The following ZNG1A variants were observed in gnomAD, a reference collection of about 807,000 sequenced individuals.
ZNG1A encodes zinc-regulated GTPase metalloprotein activator 1A.
chr9:122,245 A>G, the ZNG1A span: 1 of 1,433,802 alleles, frequency 7.0e-7, no homozygotes, highest in South Asian at 1.5e-5. Flanking sequence ...TTATTTGTGA[A>G]TTACAAGAAG....
At chr9:177,166 G>C in the ZNG1A span, among the ~76,000 whole-genome samples, 1 of 152,136 alleles carries the variant, frequency 6.6e-6, no homozygotes, top group Non-Finnish European at 1.5e-5. Context: ...TTCATTGTGC[G>C]GGGCCAATTT....
the ZNG1A span, chr9:147,659 T>A: frequency 6.7e-6 from 1 of 149,164 alleles, no homozygotes; most frequent in Non-Finnish European, 1.5e-5. Flanking sequence ...TTTCTGAGTA[T>A]CAGTTTACAC....
At chr9:157,777 TC>T in the ZNG1A span, among the ~76,000 whole-genome samples, 2 of 146,414 alleles carry the variant, frequency 1.4e-5, no homozygotes, top group Non-Finnish European at 3.0e-5. Flanking sequence ...TAATCATATA[TC>T]AGAGCCAAAC....
At chr9:122,964 C>CA in the ZNG1A span, 8 of 1,256,544 alleles carry the variant, frequency 6.4e-6, no homozygotes, top group Non-Finnish European at 8.3e-6. Context: ...TACTTGGGAA[C>CA]AGAGAGCAGA....
chr9:131,641 C>T, the ZNG1A span, among the ~76,000 whole-genome samples: 2 of 147,090 alleles, frequency 1.4e-5, no homozygotes, highest in East Asian at 2.0e-4. Flanking sequence ...AATCTAGGCT[C>T]GTTTCCCATC....
the ZNG1A span, chr9:123,234 C>T: frequency 6.6e-7 from 1 of 1,514,132 alleles, no homozygotes; most frequent in Non-Finnish European, 8.9e-7. Context: ...CTTATGACCT[C>T]CATGCAGTGA....
chr9:171,725 G>A, the ZNG1A span: 56 of 282,610 alleles, frequency 2.0e-4, no homozygotes, highest in Middle Eastern at 1.2e-3. Flanking sequence ...TATCCTCAGA[G>A]ATTCCGGAAC....
the ZNG1A span, chr9:177,773 T>C: frequency 6.5e-7 from 1 of 1,538,456 alleles, no homozygotes; most frequent in Non-Finnish European, 8.8e-7. Context: ...ATACATTGTT[T>C]TGGACAAGAA....
At chr9:171,147 T>A in the ZNG1A span, among the ~76,000 whole-genome samples, 1 of 152,056 alleles carries the variant, frequency 6.6e-6, no homozygotes, top group African/African-American at 2.4e-5. Context: ...AATAGCCTAA[T>A]TCAATACTAC....
At chr9:172,350 C>G in the ZNG1A span, 1 of 651,066 alleles carries the variant, frequency 1.5e-6, no homozygotes, top group Non-Finnish European at 2.6e-6. Context: ...AGTGAGAAAA[C>G]AATAGATGCA....
chr9:140,378 G>C, the ZNG1A span, among the ~76,000 whole-genome samples: 25 of 150,726 alleles, frequency 1.7e-4, no homozygotes, highest in Non-Finnish European at 3.1e-4. Context: ...CAGCCTAACT[G>C]GGAGGCACCC....
the ZNG1A span, chr9:166,648 C>A: frequency 6.6e-6 from 1 of 152,538 alleles, no homozygotes; most frequent in East Asian, 1.9e-4. Context: ...TTATAATAAA[C>A]AAGCTCAAAA....
At chr9:167,379 T>C in the ZNG1A span, 2 of 150,954 alleles carry the variant, frequency 1.3e-5, no homozygotes, top group South Asian at 4.2e-4. Flanking sequence ...TAGGAGATTA[T>C]GGAACAACAT....
the ZNG1A span, chr9:156,329 AATAG>A: frequency 8.9e-7 from 1 of 1,125,502 alleles, no homozygotes; most frequent in Admixed American, 2.7e-5. Context: ...GATCATTATA[AATAG>A]ATAGCAATAA....
chr9:154,775 G>C, the ZNG1A span: 1 of 1,591,248 alleles, frequency 6.3e-7, no homozygotes, highest in Non-Finnish European at 8.5e-7. Flanking sequence ...AATGAGAATG[G>C]CATCTGCCAA....
the ZNG1A span, among the ~76,000 whole-genome samples, chr9:176,400 C>CT: frequency 0.012 from 1,657 of 137,224 alleles, 16 homozygotes; most frequent in African/African-American, 0.032. Context: ...ATTTCTTTAT[C>CT]TTTTTTTTTT....
the ZNG1A span, among the ~76,000 whole-genome samples, chr9:133,120 TAGAG>T: frequency 1.5e-4 from 18 of 121,306 alleles, 1 homozygote; most frequent in South Asian, 1.2e-3. Context: ...GGTCTTCTGT[TAGAG>T]AGACCTCAGC....
At chr9:161,833 T>A in the ZNG1A span, among the ~76,000 whole-genome samples, 1 of 151,878 alleles carries the variant, frequency 6.6e-6, no homozygotes. Context: ...CAAGAAGCGA[T>A]GCAAGATGCC....
the ZNG1A span, among the ~76,000 whole-genome samples, chr9:140,853 G>C: frequency 4.1e-5 from 6 of 147,910 alleles, no homozygotes. Flanking sequence ...TAAAGGAGCT[G>C]ATGGAGCTGA....
Sources: gnomAD v4.1 joint callset for allele counts (sites outside exome capture counted in the v4.1 genomes callset) on GRCh38, gnomAD v4.1.1 for gene constraint, MANE v1.5 for transcripts, NCBI Gene and HGNC (gene_info 2026-07-23, HGNC 2026-07-21) for gene names.